The following LRRC37B variants were observed in gnomAD, a reference collection of about 807,000 sequenced individuals.
The protein encoded by LRRC37B is leucine-rich repeat-containing protein 37B.
LRRC37B carries 28 observed loss-of-function variants against 98.3 expected under a neutral mutation model. That is an observed-to-expected ratio of 0.28 (90% CI 0.21 to 0.39). LRRC37B has a LOEUF of 0.39. LRRC37B is among the 10% of genes least tolerant of loss of function. The pLI is 1.00. For missense variants in LRRC37B, 938 were observed against 1,182.7 expected, an observed-to-expected ratio of 0.79 and a Z score of 3.03; for synonymous variants, 364 against 442.7, an observed-to-expected ratio of 0.82 and a Z score of 2.23.
chr17:32,022,592 T>C, exon 1 of LRRC37B: 1 of 1,614,004 alleles, frequency 6.2e-7, no homozygotes, highest in Non-Finnish European at 8.5e-7. Context: ...AGACTCTGCA[T>C]CGAAGCCTGA....
chr17:32,008,101 C>T (rs1344176768), exon 1 of LRRC37B: 1 of 414,802 alleles, frequency 2.4e-6, no homozygotes, highest in South Asian at 2.6e-5. Flanking sequence ...ACGCCAGTTA[C>T]TCCACGGAAA....
intron 5 of LRRC37B, 96 bp from the exon 9 acceptor site, chr17:32,034,814 T>A: frequency 4.5e-6 from 4 of 880,228 alleles, no homozygotes; most frequent in Non-Finnish European, 7.3e-6. Flanking sequence ...TTATTTTTTT[T>A]ACCTAAAAGT....
chr17:32,031,134 G>C lies in LRRC37B; in HGVS notation c.1977-244G>C, dbSNP rs1248787075. On this transcript the variant is annotated intron_variant, in intron 4 of 11. Coordinates refer to ENST00000327564, the Ensembl canonical transcript of LRRC37B. ...GATGGTACTGAAGTTGTGAAATCCTGTTCTAGAGAAATGAAGATCACTTAA... is the reference window on the plus strand; with the variant it reads ...GATGGTACTGAAGTTGTGAAATCCTCTTCTAGAGAAATGAAGATCACTTAA... Among the ~76,000 whole-genome samples the C allele has an allele frequency of 2.0e-5, 3 of 152,032 alleles. 1 individual carries two copies. Among genetic ancestry groups the C allele is most frequent in the African/African-American group, 7.3e-5 (3 of 41,366 alleles).
intron 7 of LRRC37B, among the ~76,000 whole-genome samples, chr17:32,038,352 G>A (rs1268687511): frequency 6.6e-6 from 1 of 151,964 alleles, no homozygotes; most frequent in Non-Finnish European, 1.5e-5. Context: ...CCAGCTACAC[G>A]GGAAGCTGAG....
chr17:32,022,104 C>G (rs1910811586), exon 1 of LRRC37B: 20 of 1,613,686 alleles, frequency 1.2e-5, no homozygotes, highest in Non-Finnish European at 1.7e-5. Context: ...TCAAACTCCA[C>G]TGAATCATGA....
intron 1 of LRRC37B, among the ~76,000 whole-genome samples, chr17:32,008,927 A>G (rs1363280968): frequency 1.3e-5 from 2 of 152,204 alleles, no homozygotes; most frequent in East Asian, 3.8e-4. Context: ...TGTTTTTTGT[A>G]TGAACGCAGA....
At chr17:32,025,750 G>A (rs1244171499) in intron 2 of LRRC37B, among the ~76,000 whole-genome samples, 1 of 152,198 alleles carries the variant, frequency 6.6e-6, no homozygotes, top group Non-Finnish European at 1.5e-5. Flanking sequence ...AAGTATTCCT[G>A]TAGCATAGAT....
chr17:32,022,007 G>A, exon 1 of LRRC37B: 1 of 1,614,044 alleles, frequency 6.2e-7, no homozygotes, highest in South Asian at 1.1e-5. Flanking sequence ...CCCCAGCGCA[G>A]CTTCTACAGC....
At chr17:32,039,676 A>G (rs1031431945) in intron 7 of LRRC37B, among the ~76,000 whole-genome samples, 1 of 147,766 alleles carries the variant, frequency 6.8e-6, no homozygotes, top group Non-Finnish European at 1.5e-5. Flanking sequence ...AAATTGTGCC[A>G]CCACCACCCC....
chr17:32,017,459 T>C (rs531902887), upstream of LRRC37B, among the ~76,000 whole-genome samples: 19 of 152,350 alleles, frequency 1.2e-4, no homozygotes, highest in African/African-American at 4.3e-4. Flanking sequence ...ATCTGTAAGA[T>C]CATAAAGTCC....
chr17:32,022,091 A>G, exon 1 of LRRC37B: 1 of 1,613,170 alleles, frequency 6.2e-7, no homozygotes. Flanking sequence ...TGGAGAGTCT[A>G]GCTCAAACTC....
At chr17:32,021,465 C>T in exon 1 of LRRC37B, 2 of 1,614,046 alleles carry the variant, frequency 1.2e-6, no homozygotes, top group East Asian at 4.5e-5. Flanking sequence ...AGCTGGAGAG[C>T]TGCCCCTGGG....
chr17:32,024,601 G>T (rs1465198864), intron 1 of LRRC37B, 110 bp from the exon 5 acceptor site: 1 of 1,580,218 alleles, frequency 6.3e-7, no homozygotes, highest in African/African-American at 1.3e-5. Flanking sequence ...GAGAAAGCAG[G>T]TGTTATTTTC....
exon 1 of LRRC37B, chr17:32,021,306 C>T: frequency 1.2e-6 from 2 of 1,613,690 alleles, no homozygotes; most frequent in African/African-American, 1.3e-5. Flanking sequence ...CCGCTCCTCC[C>T]ATCTCCCATG....
exon 1 of LRRC37B, chr17:32,021,194 A>G (rs746876862): frequency 1.2e-6 from 2 of 1,613,210 alleles, no homozygotes; most frequent in Non-Finnish European, 1.7e-6. Context: ...TTACGTGGCA[A>G]CTATTGTCTT....
At chr17:32,015,707 C>A (rs1161381328) in intron 1 of LRRC37B, among the ~76,000 whole-genome samples, 2 of 152,154 alleles carry the variant, frequency 1.3e-5, no homozygotes, top group Non-Finnish European at 1.5e-5. Context: ...GCACCTCTGC[C>A]CTCGGCGGGT....
At chr17:32,053,003 G>A in intron 11 of LRRC37B, 8 of 400,960 alleles carry the variant, frequency 2.0e-5, no homozygotes, top group Admixed American at 4.7e-5. Context: ...TGCAGACACT[G>A]CACCATTATA....
chr17:32,049,967 GTTCT>G (rs748592232), intron 10 of LRRC37B, 32 bp from the exon 14 acceptor site: 8 of 1,258,104 alleles, frequency 6.4e-6, no homozygotes, highest in Non-Finnish European at 8.9e-6. Context: ...TTTTTTAATT[GTTCT>G]TTCTTTTTTC....
exon 1 of LRRC37B, chr17:32,021,357 G>C: frequency 6.2e-7 from 1 of 1,613,970 alleles, no homozygotes; most frequent in South Asian, 1.1e-5. Context: ...AGCCCCGGGG[G>C]ACTTTGATTA....
Sources: gnomAD v4.1 joint callset for allele counts (sites outside exome capture counted in the v4.1 genomes callset) on GRCh38, gnomAD v4.1.1 for gene constraint, MANE v1.5 for transcripts, NCBI Gene and HGNC (gene_info 2026-07-23, HGNC 2026-07-21) for gene names.